Variants in SPIDR observed in about 807,000 individuals in gnomAD.
SPIDR encodes the protein DNA repair-scaffolding protein.
A neutral mutation model predicts 104.6 loss-of-function variants in SPIDR; 93 were observed. That is an observed-to-expected ratio of 0.89 (90% CI 0.75 to 1.06). SPIDR has a LOEUF of 1.06. Among genes scored for constraint, SPIDR ranks in the 50% least tolerant of loss-of-function variants. The pLI is 0.00. For missense variants in SPIDR, 1,154 were observed against 1,111.2 expected (o/e 1.04, Z -0.55); for synonymous variants, 431 against 416.9 (o/e 1.03, Z -0.41).
chr8:47,459,039 G>A (rs180670853), intron 8 of SPIDR, among the ~76,000 whole-genome samples: 18 of 152,260 alleles, frequency 1.2e-4, no homozygotes, highest in African/African-American at 4.3e-4. Context: ...GATGCGGTTA[G>A]CTAGTATTTT....
intron 5 of SPIDR, among the ~76,000 whole-genome samples, chr8:47,347,814 C>T (rs2154279287): frequency 6.6e-6 from 1 of 152,236 alleles, no homozygotes; most frequent in South Asian, 2.1e-4. Context: ...AGATCTTCCT[C>T]CGTTCCTTTG....
At chr8:47,557,930 T>TA (rs1229661176) in intron 8 of SPIDR, among the ~76,000 whole-genome samples, 4 of 151,804 alleles carry the variant, frequency 2.6e-5, no homozygotes, top group Non-Finnish European at 4.4e-5. Context: ...TGGACTAGAT[T>TA]AAAAAAAATG....
chr8:47,546,887 T>G (rs1444704314), intron 8 of SPIDR: 2 of 421,956 alleles, frequency 4.7e-6, no homozygotes, highest in African/African-American at 4.2e-5. Context: ...GGAAGAGAAA[T>G]TAATGGTTTG....
At chr8:47,326,974 C>G (rs1554600647) in intron 5 of SPIDR, among the ~76,000 whole-genome samples, 1 of 152,132 alleles carries the variant, frequency 6.6e-6, no homozygotes, top group Non-Finnish European at 1.5e-5. Flanking sequence ...AGTGAAATTG[C>G]TGGACTATAT....
Position 47,507,539 on chromosome 8 carries a change from G to C in SPIDR, c.1097+66997G>C, listed in dbSNP as rs201439976. On this transcript the variant is annotated intron_variant, in intron 8 of 19. Transcript: ENST00000297423. The stretch of plus-strand genomic sequence containing the variant: ...TGCAGACTTTCCCATGAGCCCTGGT[G>C]GGGGGCTGAGGGAAGGATGGCAGGA... 2.6e-4 allele frequency among the ~76,000 whole-genome samples: 39 copies of C among 152,348 alleles called. No individual in the cohort carries two copies. The East Asian group carries it at 2.7e-3, about 11-fold the overall frequency.
At chr8:47,656,423 T>C (rs2072826470) in intron 10 of SPIDR, among the ~76,000 whole-genome samples, 1 of 152,154 alleles carries the variant, frequency 6.6e-6, no homozygotes, top group Admixed American at 6.5e-5. Flanking sequence ...CATCATTAGA[T>C]ACTAGGGAAA....
chr8:47,373,066 G>A (rs1448796821), intron 5 of SPIDR, among the ~76,000 whole-genome samples: 5 of 152,136 alleles, frequency 3.3e-5, no homozygotes, highest in African/African-American at 9.7e-5. Flanking sequence ...ACTGGAAATT[G>A]GAGATACACC....
chr8:47,431,396 T>A (rs1305298201), intron 7 of SPIDR, among the ~76,000 whole-genome samples: 2 of 152,248 alleles, frequency 1.3e-5, no homozygotes, highest in African/African-American at 4.8e-5. Flanking sequence ...TTGTTTGGCT[T>A]AACTTCGCTT....
At chr8:47,627,881 T>C (rs1380887227) in intron 10 of SPIDR, among the ~76,000 whole-genome samples, 7 of 152,358 alleles carry the variant, frequency 4.6e-5, no homozygotes, top group Non-Finnish European at 8.8e-5. Flanking sequence ...TAGTTCTTTT[T>C]ATAGCAGCGG....
At chr8:47,546,452 T>C (rs900929748) in intron 8 of SPIDR, among the ~76,000 whole-genome samples, 20 of 152,186 alleles carry the variant, frequency 1.3e-4, no homozygotes, top group African/African-American at 4.8e-5. Context: ...TATAGTGATA[T>C]TCCCTTTTTC....
At chr8:47,518,564 T>G (rs2154379333) in intron 8 of SPIDR, among the ~76,000 whole-genome samples, 1 of 152,110 alleles carries the variant, frequency 6.6e-6, no homozygotes, top group South Asian at 2.1e-4. Context: ...CACCAGAGCC[T>G]CACATCTAGT....
intron 5 of SPIDR, among the ~76,000 whole-genome samples, chr8:47,318,356 G>C (rs1162471445): frequency 6.6e-6 from 1 of 151,802 alleles, no homozygotes; most frequent in East Asian, 1.9e-4. Flanking sequence ...GATGGAAGAT[G>C]AAATGAATGA....
In SPIDR at chr8:47,683,852, C is replaced by T. The variant is rs574235156; in HGVS notation, c.1685+9911C>T. Among the ~76,000 whole-genome samples the T allele has an allele frequency of 3.6e-3, 543 of 152,206 alleles. 7 individuals carry two copies. Among genetic ancestry groups the T allele is most frequent in the African/African-American group, 0.012 (514 of 41,554 alleles). ...TCAATAAAAACCCAATTTGGCCGGG[C>T]ATGGTGGCTCACACCTGTAATTCCA... On this transcript the variant is annotated intron_variant, in intron 11 of 19. Transcript: ENST00000297423.
chr8:47,401,666 A>AG (rs2061906574), intron 6 of SPIDR, among the ~76,000 whole-genome samples: 1 of 152,230 alleles, frequency 6.6e-6, no homozygotes, highest in Non-Finnish European at 1.5e-5. Flanking sequence ...AAACAAAAAA[A>AG]AAGCAGGGGT....
chr8:47,450,531 A>C (rs1309537135), intron 8 of SPIDR, among the ~76,000 whole-genome samples: 1 of 152,218 alleles, frequency 6.6e-6, no homozygotes, highest in African/African-American at 2.4e-5. Flanking sequence ...TTTGTGCTCA[A>C]ATAAGTTTGG....
At chr8:47,352,138 G>A (rs557716246) in intron 5 of SPIDR, among the ~76,000 whole-genome samples, 3 of 152,084 alleles carry the variant, frequency 2.0e-5, no homozygotes, top group Non-Finnish European at 2.9e-5. Flanking sequence ...TTATCCGGGC[G>A]TGATGGTGCG....
chr8:47,623,951 A>C (rs902675208), intron 10 of SPIDR, among the ~76,000 whole-genome samples: 9 of 152,270 alleles, frequency 5.9e-5, no homozygotes, highest in African/African-American at 2.2e-4. Context: ...CAGCACCACA[A>C]CACACCTATT....
At chr8:47,655,552 G>T (rs550046643) in intron 10 of SPIDR, among the ~76,000 whole-genome samples, 8 of 152,216 alleles carry the variant, frequency 5.3e-5, no homozygotes, top group South Asian at 4.1e-4. Context: ...CATATCCTTC[G>T]CCCACTTTTT....
At chr8:47,328,013 T>G (rs375045301) in intron 5 of SPIDR, among the ~76,000 whole-genome samples, 1,797 of 141,110 alleles carry the variant, frequency 0.013, 39 homozygotes, top group African/African-American at 0.042. Context: ...TTTTTTTTGG[T>G]TTTTTTTTTT....
Sources: allele counts gnomAD v4.1 joint callset (sites outside exome capture counted in the v4.1 genomes callset), GRCh38; gene constraint gnomAD v4.1.1; transcripts MANE v1.5; gene names NCBI Gene and HGNC (gene_info 2026-07-23, HGNC 2026-07-21).